Variants in PGLYRP3 observed in about 807,000 individuals in gnomAD.
PGLYRP3 encodes the protein peptidoglycan recognition protein I alpha.
In PGLYRP3, 39 loss-of-function variants were observed where a neutral mutation model predicts 36.0. That is an observed-to-expected ratio of 1.08 (90% CI 0.84 to 1.41). The LOEUF (loss-of-function observed/expected upper bound fraction) is 1.41. Ranked by LOEUF, PGLYRP3 falls within the 40% of genes most tolerant of loss-of-function variation. The pLI, the probability that PGLYRP3 is intolerant of heterozygous loss-of-function variation, is 0.00. For missense variants in PGLYRP3, 407 were observed against 427.9 expected (o/e 0.95, Z 0.43); for synonymous variants, 204 against 172.8 (o/e 1.18, Z -1.42).
chr1:153,302,722 G>C (rs570800360), intron 5 of PGLYRP3, 115 bp from the exon 6 acceptor site: 2 of 931,120 alleles, frequency 2.1e-6, no homozygotes, highest in Non-Finnish European at 3.3e-6. Flanking sequence ...AGCACCCACG[G>C]GCACATCCTA....
At position 153,304,019 on chromosome 1, in the gene PGLYRP3, G is replaced by A. The variant is rs749087521; in HGVS notation, c.377-10C>T. On this transcript the variant is annotated splice_polypyrimidine_tract_variant and intron_variant, in intron 4 of 7. Transcript: ENST00000683862. ...GGGCTGGGACTGCTGCCTTAAAGAG[G>A]AGGACAGGGAGCACAAAAATGTCAG... The A allele has an allele frequency of 4.4e-5, 70 of 1,602,216 alleles. No homozygotes were observed. The East Asian group carries it at 1.5e-3, about 35-fold the overall frequency.
At chr1:153,308,000 C>CTTTTTT (rs34266664) in intron 2 of PGLYRP3, among the ~76,000 whole-genome samples, 5 of 145,256 alleles carry the variant, frequency 3.4e-5, no homozygotes, top group African/African-American at 5.1e-5. Flanking sequence ...TTCTCTCTCT[C>CTTTTTT]TTTTTTTTTT....
rs1230759710 is a variant in PGLYRP3, at chr1:153,302,519, G to C, written c.618C>G (p.Ile206Met). 1 of 1,614,252 alleles carries C rather than the reference G, an allele frequency of 6.2e-7. No homozygotes were observed. Among genetic ancestry groups the C allele is most frequent in the Non-Finnish European group, 8.5e-7 (1 of 1,180,032 alleles). ...TGCAGCTTGTGCCAGCGGTGTGGATGATGATGACATATTTGGCTGGGAGGT... is the reference window on the plus strand; with the variant it reads ...TGCAGCTTGTGCCAGCGGTGTGGATCATGATGACATATTTGGCTGGGAGGT... The part of the protein sequence containing the change: ...KMNLPAKYVI[I>M]IHTAGTSCTV... The change falls in exon 6 of 8, where the codon ATC becomes ATG. Residue 206 changes from isoleucine to methionine, a missense_variant. Ile to Met is a conservative substitution (Grantham distance 10, BLOSUM62 1). Transcript: ENST00000683862.
At chr1:153,303,265 G>A (rs939701791) in intron 5 of PGLYRP3, among the ~76,000 whole-genome samples, 3 of 152,190 alleles carry the variant, frequency 2.0e-5, no homozygotes, top group Admixed American at 2.0e-4. Context: ...GCACTCTGAT[G>A]TCAGCATCAT....
Position 153,301,680 on chromosome 1 carries a change from G to A in PGLYRP3, c.728+729C>T, listed in dbSNP as rs546479094. Among the ~76,000 whole-genome samples the A allele has an allele frequency of 6.0e-4, 91 of 152,346 alleles. 1 individual carries two copies. In the South Asian group the frequency reaches 0.011, roughly 18 times the overall value. On this transcript the variant is annotated intron_variant, in intron 6 of 7. Coordinates refer to ENST00000683862, the MANE Select transcript of PGLYRP3 (RefSeq NM_052891.3). The stretch of plus-strand genomic sequence containing the variant: ...AGATAGTAGGCCCAGAACAACACAT[G>A]TGCAAAAGCACATCTACCTGAGACT...
chr1:153,304,391 G>A (rs1659684772), intron 4 of PGLYRP3, among the ~76,000 whole-genome samples: 1 of 152,200 alleles, frequency 6.6e-6, no homozygotes, highest in Admixed American at 6.5e-5. Context: ...TTTTATATCT[G>A]TTAACTCATA....
At chr1:153,302,673 C>T (rs1659629015) in intron 5 of PGLYRP3, 66 bp from the exon 6 acceptor site, 1 of 1,489,248 alleles carries the variant, frequency 6.7e-7, no homozygotes, top group Non-Finnish European at 9.3e-7. Flanking sequence ...AATCACTCAA[C>T]TCCAGGCTGG....
At chr1:153,300,578 T>C (rs1373538277) in intron 6 of PGLYRP3, among the ~76,000 whole-genome samples, 3 of 152,116 alleles carry the variant, frequency 2.0e-5, no homozygotes, top group Non-Finnish European at 4.4e-5. Flanking sequence ...GCACAAAGAC[T>C]CTCTGAAGGA....
intron 3 of PGLYRP3, 37 bp from the exon 4 acceptor site, chr1:153,305,102 C>T: frequency 3.9e-6 from 6 of 1,557,288 alleles, no homozygotes; most frequent in Non-Finnish European, 5.3e-6. Flanking sequence ...CTGCAAATCT[C>T]CATAAATGAA....
chr1:153,298,782 A>C (rs551246294), intron 7 of PGLYRP3, among the ~76,000 whole-genome samples: 1 of 152,258 alleles, frequency 6.6e-6, no homozygotes, highest in South Asian at 2.1e-4. Flanking sequence ...TGCTCCCCAA[A>C]TTGTTGCCAT....
intron 4 of PGLYRP3, among the ~76,000 whole-genome samples, chr1:153,304,279 T>C (rs1659681402): frequency 2.0e-5 from 3 of 152,200 alleles, no homozygotes; most frequent in South Asian, 2.1e-4. Context: ...GAAGGATACA[T>C]GCAAAGGGAG....
intron 6 of PGLYRP3, among the ~76,000 whole-genome samples, chr1:153,301,311 T>C (rs1442327030): frequency 6.6e-6 from 1 of 152,238 alleles, no homozygotes; most frequent in Non-Finnish European, 1.5e-5. Flanking sequence ...ATCCAATAAC[T>C]ATTGATTAAA....
At chr1:153,310,808 C>A in intron 1 of PGLYRP3, 102 bp from the exon 2 acceptor site, 1 of 744,080 alleles carries the variant, frequency 1.3e-6, no homozygotes, top group Non-Finnish European at 2.2e-6. Flanking sequence ...CATCCTGTGG[C>A]TTCCTGAGGG....
chr1:153,297,526 G>GGAAGGAAGGAAT lies in PGLYRP3; in HGVS notation c.*429_*430insATTCCTTCCTTC, dbSNP rs1659458790. ...AGGAAGGAAGGAAGGAAGGAAGGAA[G>GGAAGGAAGGAAT]GAAGGAAGGAAGGAAGGAAGGAAGG... On this transcript the variant is annotated 3_prime_UTR_variant, in exon 8 of 8. Coordinates refer to ENST00000683862, the MANE Select transcript of PGLYRP3 (RefSeq NM_052891.3). Among the ~76,000 whole-genome samples, 2 of 79,944 alleles carry GGAAGGAAGGAAT rather than the reference G, an allele frequency of 2.5e-5. No homozygotes were observed. Among genetic ancestry groups the GGAAGGAAGGAAT allele is most frequent in the East Asian group, 5.1e-4 (2 of 3,906 alleles). The allele number at this position is 79,944 out of a possible 152,430, so 52.4% of individuals were successfully genotyped here. A position where few individuals can be genotyped will look rare whatever the true frequency, so the allele number is the denominator to read the frequency against.
At chr1:153,310,972 T>C (rs949247742) in intron 1 of PGLYRP3, among the ~76,000 whole-genome samples, 2 of 152,310 alleles carry the variant, frequency 1.3e-5, no homozygotes, top group African/African-American at 4.8e-5. Context: ...CAGTGCCTGA[T>C]CTTAGGCCTT....
intron 1 of PGLYRP3, among the ~76,000 whole-genome samples, chr1:153,311,298 G>T (rs1334628727): frequency 6.6e-6 from 1 of 152,144 alleles, no homozygotes; most frequent in African/African-American, 2.4e-5. Flanking sequence ...TGCATTCTGT[G>T]TTCCAAGGTT....
At position 153,310,680 on chromosome 1, in the gene PGLYRP3, C is replaced by G. The variant is rs1659873370; in HGVS notation, c.-15G>C. ...AGCGTCCCCATGTGGTCCCAGGACT[C>G]TGACCGGGAGAGTGTGGACGGCAGC... On this transcript the variant is annotated 5_prime_UTR_variant, in exon 2 of 8. Coordinates refer to ENST00000683862, the MANE Select transcript of PGLYRP3 (RefSeq NM_052891.3). The G allele has an allele frequency of 1.2e-6, 2 of 1,613,522 alleles. No homozygotes were observed. The highest frequency in any genetic ancestry group is 1.3e-5 in the African/African-American group (1 of 74,928).
Position 153,297,862 on chromosome 1 carries a change from A to T in PGLYRP3, c.*94T>A. The T allele has an allele frequency of 6.7e-6, 9 of 1,352,818 alleles. No individual in the cohort carries two copies. The highest frequency in any genetic ancestry group is 2.0e-5 in the Admixed American group (1 of 50,432). The allele number at this position is 1,352,818 out of a possible 1,614,324, so 83.8% of individuals were successfully genotyped here. ...CTGAGAAAGGATGGGCTGGCAGGGGAGGGGGACACAAGGTGCTGAGCCACC... is the reference window on the plus strand; with the variant it reads ...CTGAGAAAGGATGGGCTGGCAGGGGTGGGGGACACAAGGTGCTGAGCCACC... On this transcript the variant is annotated 3_prime_UTR_variant, in exon 8 of 8. Transcript: ENST00000683862.
rs953533467 is a variant in PGLYRP3 at position 153,302,481 on chromosome 1, T to A, written c.656A>T (p.Asp219Val). 2 of 1,614,238 alleles carry A rather than the reference T, an allele frequency of 1.2e-6. No individual in the cohort carries two copies. The highest frequency in any genetic ancestry group is 1.7e-6 in the Non-Finnish European group (2 of 1,180,050). ...TAGTSCTVST[D>V]CQTVVRNIQS... is the part of the protein sequence containing the mutation. ...TATGTTTCGGACGACAGTCTGGCAG[T>A]CTGTGGATACAGTGCAGCTTGTGCC... Residue 219 changes from aspartate to valine, a missense_variant, in exon 6 of 8, where the codon GAC becomes GTC. Physicochemically the swap from Asp to Val is radical, Grantham distance 152. Coordinates refer to ENST00000683862, the MANE Select transcript of PGLYRP3 (RefSeq NM_052891.3).
Sources: gnomAD v4.1 joint callset for allele counts (sites outside exome capture counted in the v4.1 genomes callset) on GRCh38, gnomAD v4.1.1 for gene constraint, MANE v1.5 for transcripts, NCBI Gene and HGNC (gene_info 2026-07-23, HGNC 2026-07-21) for gene names.